The following ZNF292 variants were observed in gnomAD, a reference collection of about 807,000 sequenced individuals.
The protein encoded by ZNF292 is 16 zinc-finger domain protein.
ZNF292 carries 26 observed loss-of-function variants against 217.9 expected under a neutral mutation model. That is an observed-to-expected ratio of 0.12 (90% CI 0.09 to 0.17). ZNF292 has a LOEUF of 0.17. Among genes scored for constraint, ZNF292 ranks in the 10% least tolerant of loss-of-function variants. The pLI is 1.00. For synonymous variants in ZNF292, 1,257 were observed against 1,124.1 expected, an observed-to-expected ratio of 1.12 and a Z score of -2.37; for missense variants, 2,904 against 3,175.2, an observed-to-expected ratio of 0.91 and a Z score of 2.05.
chr6:87,258,142 G>T lies in ZNF292; in HGVS notation c.4513G>T (p.Gly1505Cys). 2.5e-6 allele frequency: 4 copies of T among 1,612,124 alleles called. No individual in the cohort carries two copies. The highest frequency in any genetic ancestry group is 2.2e-5 in the East Asian group (1 of 44,828). ...ETAGIPSTFE[G>C]AEMLSHVSTG... Reference sequence around the variant, plus strand: ...TGCTGGCATTCCCAGTACATTTGAGGGTGCCGAAATGCTTTCTCATGTTTC... The same window carrying T: ...TGCTGGCATTCCCAGTACATTTGAGTGTGCCGAAATGCTTTCTCATGTTTC... Residue 1505 changes from glycine (G) to cysteine (C), a missense_variant, in exon 8 of 8, where the codon GGT becomes TGT. Transcript: ENST00000369577.
At chr6:87,162,518 G>A (rs1228381832) in intron 1 of ZNF292, among the ~76,000 whole-genome samples, 1 of 152,190 alleles carries the variant, frequency 6.6e-6, no homozygotes, top group Non-Finnish European at 1.5e-5. Flanking sequence ...TATTGAGGGA[G>A]CAATAAGTCA....
intron 5 of ZNF292, among the ~76,000 whole-genome samples, chr6:87,242,963 G>T (rs534637384): frequency 6.6e-6 from 1 of 152,124 alleles, no homozygotes; most frequent in South Asian, 2.1e-4. Flanking sequence ...TTTAAAAGTG[G>T]TACAGTTACA....
intron 1 of ZNF292, among the ~76,000 whole-genome samples, chr6:87,199,548 A>G (rs1772049651): frequency 6.6e-6 from 1 of 152,206 alleles, no homozygotes; most frequent in South Asian, 2.1e-4. Flanking sequence ...TGGTGTTCGA[A>G]GAACTCTTCA....
intron 7 of ZNF292, among the ~76,000 whole-genome samples, chr6:87,250,342 T>A (rs1774862134): frequency 6.6e-6 from 1 of 151,220 alleles, no homozygotes; most frequent in Admixed American, 6.6e-5. Context: ...GATGGGAGGA[T>A]CACTTGAGCC....
rs557765732 is a variant in ZNF292 at position 87,263,834 on chromosome 6, C to T, written c.*2033C>T. ...TAAAGGTGGGCACTTGGCAAAACTGCCCTATATAGCACAGTAGCAAGTAGG... is the reference window on the plus strand; with the variant it reads ...TAAAGGTGGGCACTTGGCAAAACTGTCCTATATAGCACAGTAGCAAGTAGG... On this transcript the variant is annotated 3_prime_UTR_variant, in exon 8 of 8. Coordinates refer to ENST00000369577, the MANE Select transcript of ZNF292 (RefSeq NM_015021.3). 4 of 152,062 alleles carry T rather than the reference C, an allele frequency of 2.6e-5. No individual in the cohort carries two copies. Among genetic ancestry groups the T allele is most frequent in the Admixed American group, 6.6e-5 (1 of 15,264 alleles). 9.4% of individuals were successfully genotyped at this position (152,062 alleles called of 1,614,324 possible).
At chr6:87,203,133 CTTTTTT>C (rs67229216) in intron 1 of ZNF292, among the ~76,000 whole-genome samples, 4 of 116,230 alleles carry the variant, frequency 3.4e-5, no homozygotes, top group African/African-American at 1.0e-4. Flanking sequence ...ATATATTTTC[CTTTTTT>C]TTTTTTTTTT....
intron 1 of ZNF292, among the ~76,000 whole-genome samples, chr6:87,175,694 C>T (rs896678098): frequency 2.0e-5 from 3 of 152,156 alleles, no homozygotes; most frequent in Admixed American, 2.0e-4. Flanking sequence ...TACTTGTAGA[C>T]CTGCATAGCA....
At position 87,259,786 on chromosome 6, in the gene ZNF292, A is replaced by G; in HGVS notation, c.6157A>G (p.Thr2053Ala). Reference sequence around the variant, plus strand: ...TGTAGAAAAAAAAAGTCCTGACAAAACAGAAAGTTCTTTACAAGTGATTAC... The same window carrying G: ...TGTAGAAAAAAAAAGTCCTGACAAAGCAGAAAGTTCTTTACAAGTGATTAC... The part of the protein sequence containing the change: ...QLVEKKSPDK[T>A]ESSLQVITVT... The change falls in exon 8 of 8, where the codon ACA (threonine) becomes GCA (alanine). Residue 2053 changes from threonine (T) to alanine (A), a missense_variant. Thr to Ala is a moderately conservative substitution (Grantham distance 58). Coordinates refer to ENST00000369577, the MANE Select transcript of ZNF292 (RefSeq NM_015021.3). 6.2e-7 allele frequency: 1 copy of G among 1,605,940 alleles called. No individual in the cohort carries two copies. The highest frequency in any genetic ancestry group is 2.2e-5 in the East Asian group (1 of 44,672).
At chr6:87,224,471 C>G (rs1562153118) in intron 4 of ZNF292, among the ~76,000 whole-genome samples, 2 of 151,192 alleles carry the variant, frequency 1.3e-5, no homozygotes. Flanking sequence ...AACAAAAAAA[C>G]TGTGTTTCAT....
chr6:87,257,530 A>G lies in ZNF292; in HGVS notation c.3901A>G (p.Ile1301Val), dbSNP rs1179931532. Residue 1301 changes from isoleucine (I) to valine (V), a missense_variant, in exon 8 of 8, where the codon ATT becomes GTT. By Grantham distance (29) the Ile-to-Val change is conservative (BLOSUM62 3). This residue lies in a region of ZNF292 where 687 missense variants were observed against 623.0 expected (regional missense o/e 1.10). Transcript: ENST00000369577. ...ENNTNHYSSQIEGNTNSSFLK... is the reference protein window; with the variant it reads ...ENNTNHYSSQVEGNTNSSFLK... ...TAATACAAATCATTATTCCTCACAG[A>G]TTGAAGGAAACACTAATTCCTCCTT... 2 of 1,608,368 alleles carry G rather than the reference A, an allele frequency of 1.2e-6. No individual in the cohort carries two copies. Among genetic ancestry groups the G allele is most frequent in the Non-Finnish European group, 1.7e-6 (2 of 1,177,102 alleles).
intron 1 of ZNF292, among the ~76,000 whole-genome samples, chr6:87,173,191 G>A (rs752066009): frequency 1.3e-5 from 1 of 79,748 alleles, no homozygotes; most frequent in Non-Finnish European, 2.4e-5. Flanking sequence ...TTTATTGTCA[G>A]TTTTGTAATT....
chr6:87,236,128 T>C (rs1773893698), intron 5 of ZNF292, among the ~76,000 whole-genome samples: 1 of 152,360 alleles, frequency 6.6e-6, no homozygotes, highest in African/African-American at 2.4e-5. Flanking sequence ...CCATGTGCTC[T>C]CTCACTTGCC....
rs762532450 is a variant in ZNF292, at chr6:87,261,751, G to C, written c.8122G>C (p.Val2708Leu). ...ACATTCAAATGATCCAGATATGTCTGTTATGAAAGATATCAGTATAGGTAA... is the reference window on the plus strand; with the variant it reads ...ACATTCAAATGATCCAGATATGTCTCTTATGAAAGATATCAGTATAGGTAA... ...EVHSNDPDMS[V>L]MKDISIGKAT... is the part of the protein sequence containing the mutation. The change falls in exon 8 of 8, where the codon GTT (valine) becomes CTT (leucine). Residue 2708 changes from valine (V) to leucine (L), a missense_variant. Val to Leu is a conservative substitution (Grantham distance 32). Around this residue, in one of 15 missense-constraint regions of ZNF292, gnomAD observed 380 missense variants for 355.3 expected, o/e 1.07. Coordinates refer to ENST00000369577, the MANE Select transcript of ZNF292 (RefSeq NM_015021.3). 33 of 1,612,718 alleles carry C rather than the reference G, an allele frequency of 2.0e-5. No individual in the cohort carries two copies. The highest frequency in any genetic ancestry group is 2.8e-5 in the Non-Finnish European group (33 of 1,179,194).
At chr6:87,182,700 G>A (rs2127778957) in intron 1 of ZNF292, among the ~76,000 whole-genome samples, 1 of 152,214 alleles carries the variant, frequency 6.6e-6, no homozygotes, top group East Asian at 1.9e-4. Context: ...AAGAATAAAA[G>A]CAAATTAACA....
chr6:87,166,384 T>C (rs1770916383), intron 1 of ZNF292, among the ~76,000 whole-genome samples: 1 of 152,166 alleles, frequency 6.6e-6, no homozygotes, highest in African/African-American at 2.4e-5. Flanking sequence ...GGGAGAAATA[T>C]TTAGCTCTGT....
At chr6:87,176,145 C>T (rs2127775527) in intron 1 of ZNF292, among the ~76,000 whole-genome samples, 1 of 152,260 alleles carries the variant, frequency 6.6e-6, no homozygotes, top group Middle Eastern at 3.4e-3. Flanking sequence ...GTGGCTGAGT[C>T]ACCTTTAACA....
intron 5 of ZNF292, among the ~76,000 whole-genome samples, chr6:87,241,756 G>A (rs945770034): frequency 6.6e-6 from 1 of 152,136 alleles, no homozygotes. Flanking sequence ...GACATGATTG[G>A]ATTTGTGGCT....
chr6:87,169,146 G>T (rs547062766), intron 1 of ZNF292, among the ~76,000 whole-genome samples: 1 of 151,956 alleles, frequency 6.6e-6, no homozygotes, highest in Non-Finnish European at 1.5e-5. Flanking sequence ...GGGTTCAAGC[G>T]ATTCTTGTGA....
chr6:87,165,845 G>C (rs1326092379), intron 1 of ZNF292, among the ~76,000 whole-genome samples: 4 of 144,962 alleles, frequency 2.8e-5, no homozygotes, highest in African/African-American at 1.0e-4. Flanking sequence ...TGCAACCTCT[G>C]CCTCCAGGTT....
Sources: gnomAD v4.1 joint callset for allele counts (sites outside exome capture counted in the v4.1 genomes callset) on GRCh38, gnomAD v4.1.1 for gene constraint, gnomAD v4.1.1 regional missense constraint, MANE v1.5 for transcripts, NCBI Gene and HGNC (gene_info 2026-07-23, HGNC 2026-07-21) for gene names.